The following ANKRD6 variants were observed in gnomAD, a reference collection of about 807,000 sequenced individuals.
The protein encoded by ANKRD6 is ankyrin repeat domain-containing protein 6.
ANKRD6 carries 56 observed loss-of-function variants against 82.3 expected under a neutral mutation model. The observed-to-expected ratio is 0.68, with a 90% CI of 0.55 to 0.85. The LOEUF is 0.85. Ranked by LOEUF, ANKRD6 falls within the 40% of genes least tolerant of loss-of-function variation. The pLI is 0.00. For missense variants in ANKRD6, 852 were observed against 907.6 expected (o/e 0.94, Z 0.79); for synonymous variants, 347 against 352.1 (o/e 0.99, Z 0.16).
rs76116282 is a variant in ANKRD6 at position 89,621,782 on chromosome 6, G to T, written c.793-140G>T. The T allele has an allele frequency of 4.0e-4, 316 of 781,634 alleles. 2 individuals are homozygous for T. In the East Asian group the frequency reaches 8.4e-3, roughly 21 times the overall value. The allele number at this position is 781,634 out of a possible 1,614,324, so 48.4% of individuals were successfully genotyped here. ...TAGGAGGATGGTAGGTGGTCCAGAG[G>T]TGCTTGCTTGATGTGAACACCTGCT... On this transcript the variant is annotated intron_variant, in intron 9 of 15. Coordinates refer to ENST00000339746, the MANE Select transcript of ANKRD6 (RefSeq NM_001242809.2).
At chr6:89,571,408 A>G (rs562369967) in intron 2 of ANKRD6, among the ~76,000 whole-genome samples, 1 of 151,994 alleles carries the variant, frequency 6.6e-6, no homozygotes, top group Admixed American at 6.5e-5. Context: ...AGTGATATTA[A>G]ATGTCTTTTT....
intron 3 of ANKRD6, among the ~76,000 whole-genome samples, chr6:89,596,706 G>A (rs961932128): frequency 2.0e-5 from 3 of 152,198 alleles, no homozygotes; most frequent in East Asian, 1.9e-4. Flanking sequence ...GTCAGCAGTG[G>A]CTGGGGTGGA....
chr6:89,477,663 C>A (rs970376382), intron 1 of ANKRD6, among the ~76,000 whole-genome samples: 15 of 150,128 alleles, frequency 1.0e-4, no homozygotes, highest in Non-Finnish European at 1.6e-4. Flanking sequence ...CCCAGCTACT[C>A]GGGAGGCTGA....
intron 1 of ANKRD6, among the ~76,000 whole-genome samples, chr6:89,442,000 TA>T (rs1771456787): frequency 6.6e-6 from 1 of 151,910 alleles, no homozygotes; most frequent in Admixed American, 6.6e-5. Context: ...GTTTTATTTT[TA>T]TTTTTTTATT....
At chr6:89,468,352 A>G in intron 1 of ANKRD6, among the ~76,000 whole-genome samples, 1 of 152,212 alleles carries the variant, frequency 6.6e-6, no homozygotes, top group East Asian at 1.9e-4. Flanking sequence ...ATCAATCAGC[A>G]GAGCACAAAT....
At chr6:89,486,361 A>G (rs537914191) in intron 1 of ANKRD6, among the ~76,000 whole-genome samples, 2 of 152,080 alleles carry the variant, frequency 1.3e-5, no homozygotes, top group Admixed American at 6.5e-5. Flanking sequence ...ATAAAAATAT[A>G]TATACCATCT....
At chr6:89,533,248 A>C (rs765737675) in intron 1 of ANKRD6, among the ~76,000 whole-genome samples, 6 of 152,164 alleles carry the variant, frequency 3.9e-5, no homozygotes, top group Non-Finnish European at 5.9e-5. Flanking sequence ...GGCTCTTGAC[A>C]TACGTAAATA....
chr6:89,453,562 A>G (rs772814586), intron 1 of ANKRD6, among the ~76,000 whole-genome samples: 4 of 151,792 alleles, frequency 2.6e-5, no homozygotes, highest in South Asian at 2.1e-4. Flanking sequence ...TGTGCTTTCA[A>G]TGTTGGGAAG....
At position 89,510,136 on chromosome 6, in the gene ANKRD6, A is replaced by T. The variant is rs144425106; in HGVS notation, c.-143-56698A>T. Among the ~76,000 whole-genome samples, 276 of 152,268 alleles carry T rather than the reference A, an allele frequency of 1.8e-3. 2 individuals are homozygous for T. The highest frequency in any genetic ancestry group is 6.8e-3 in the Middle Eastern group (2 of 292). On this transcript the variant is annotated intron_variant, in intron 1 of 15. Transcript: ENST00000339746. ...TTGCCCTCTGCTGTGGAGACTGGCA[A>T]AGCTCCAGATGGTGGTTGCTCTGTC... is the stretch of plus-strand genomic sequence containing the variant.
At chr6:89,450,310 CAA>C (rs546958900) in intron 1 of ANKRD6, among the ~76,000 whole-genome samples, 4 of 136,750 alleles carry the variant, frequency 2.9e-5, no homozygotes, top group African/African-American at 5.4e-5. Flanking sequence ...GACTCCATCT[CAA>C]AAAAAAAAAA....
chr6:89,475,658 C>G (rs1260852641), intron 1 of ANKRD6, among the ~76,000 whole-genome samples: 2 of 152,224 alleles, frequency 1.3e-5, no homozygotes, highest in Non-Finnish European at 2.9e-5. Context: ...CAGCCCCCAG[C>G]CTCCCACTGT....
chr6:89,621,528 G>A, intron 9 of ANKRD6: 1 of 200,034 alleles, frequency 5.0e-6, no homozygotes, highest in South Asian at 9.0e-5. Context: ...GATGGAGAGT[G>A]AGACTGTGCC....
chr6:89,590,313 G>A (rs1794630167), intron 2 of ANKRD6, among the ~76,000 whole-genome samples: 1 of 152,128 alleles, frequency 6.6e-6, no homozygotes, highest in Non-Finnish European at 1.5e-5. Context: ...TCCAGGGAGG[G>A]TTTATCCTGG....
intron 3 of ANKRD6, among the ~76,000 whole-genome samples, chr6:89,600,300 G>T (rs1401626746): frequency 6.6e-6 from 1 of 152,186 alleles, no homozygotes; most frequent in Non-Finnish European, 1.5e-5. Context: ...GGCAGCTTGT[G>T]AAACATGACA....
At chr6:89,585,281 T>G (rs988414135) in intron 2 of ANKRD6, among the ~76,000 whole-genome samples, 6 of 152,152 alleles carry the variant, frequency 3.9e-5, no homozygotes, top group Non-Finnish European at 8.8e-5. Context: ...GACTGAATGT[T>G]TTTCTGCTGT....
At chr6:89,623,069 G>T (rs1804185320) in intron 10 of ANKRD6, among the ~76,000 whole-genome samples, 1 of 151,828 alleles carries the variant, frequency 6.6e-6, no homozygotes, top group African/African-American at 2.4e-5. Flanking sequence ...GAATGAGTGA[G>T]TTATGTTTTG....
chr6:89,478,825 A>G (rs1776415741), intron 1 of ANKRD6, among the ~76,000 whole-genome samples: 1 of 151,958 alleles, frequency 6.6e-6, no homozygotes. Context: ...TGAGACATAC[A>G]TAGAAGGAAT....
At chr6:89,578,970 T>A (rs1383064622) in intron 2 of ANKRD6, among the ~76,000 whole-genome samples, 1 of 152,122 alleles carries the variant, frequency 6.6e-6, no homozygotes, top group Non-Finnish European at 1.5e-5. Flanking sequence ...TGGCCACCCC[T>A]CAGTGCAGAC....
chr6:89,499,383 T>G (rs1313585253), intron 1 of ANKRD6, among the ~76,000 whole-genome samples: 1 of 152,206 alleles, frequency 6.6e-6, no homozygotes, highest in African/African-American at 2.4e-5. Flanking sequence ...TGCAGCTGAT[T>G]ACATGCTTCA....
Sources: gnomAD v4.1 joint callset for allele counts (sites outside exome capture counted in the v4.1 genomes callset) on GRCh38, gnomAD v4.1.1 for gene constraint, MANE v1.5 for transcripts, NCBI Gene and HGNC (gene_info 2026-07-23, HGNC 2026-07-21) for gene names.